Variants in CACNA1G observed in about 807,000 individuals in gnomAD.
The protein encoded by CACNA1G is voltage-dependent T-type calcium channel subunit alpha-1G.
A neutral mutation model predicts 219.4 loss-of-function variants in CACNA1G; 67 were observed. The observed-to-expected ratio is 0.31, with a 90% CI of 0.25 to 0.37. The LOEUF (loss-of-function observed/expected upper bound fraction) is 0.37, where lower values mean the gene tolerates loss of function less well. Ranked by LOEUF, CACNA1G falls within the 10% of genes least tolerant of loss-of-function variation. The pLI is 1.00. For missense variants in CACNA1G, 2,380 were observed against 3,231.4 expected (o/e 0.74, Z 6.39); for synonymous variants, 1,296 against 1,345.3 (o/e 0.96, Z 0.80).
At chr17:50,573,644 G>A (rs2039960845) in intron 7 of CACNA1G, 1 of 152,324 alleles carries the variant, frequency 6.6e-6, no homozygotes, top group Non-Finnish European at 1.5e-5. Flanking sequence ...ATCCTGAAAT[G>A]CTTGCAAATA....
chr17:50,577,880 C>T (rs962137859), intron 8 of CACNA1G, among the ~76,000 whole-genome samples: 8 of 152,018 alleles, frequency 5.3e-5, no homozygotes, highest in African/African-American at 1.7e-4. Context: ...GGAAGGGGAG[C>T]GAGGCTCCTT....
chr17:50,611,935 C>T (rs1052119437), intron 26 of CACNA1G, among the ~76,000 whole-genome samples: 1 of 152,210 alleles, frequency 6.6e-6, no homozygotes, highest in Non-Finnish European at 1.5e-5. Flanking sequence ...CCCACTGTAT[C>T]CTGGGGTGGC....
intron 21 of CACNA1G, 63 bp from the exon 22 acceptor site, chr17:50,604,092 C>T: frequency 6.5e-7 from 1 of 1,543,110 alleles, no homozygotes; most frequent in East Asian, 2.3e-5. Context: ...GGAGCAGGGT[C>T]AAGGGACAAG....
chr17:50,596,750 C>G lies in CACNA1G; in HGVS notation c.3085C>G (p.Pro1029Ala). ...CLALVSLGEH[P>A]ELRKSLLPPL... ...TGCAGTGGTGTCCCTGGGAGAGCACCCGGAGCTGCGGAAGAGCCTGCTGCC... is the reference window on the plus strand; with the variant it reads ...TGCAGTGGTGTCCCTGGGAGAGCACGCGGAGCTGCGGAAGAGCCTGCTGCC... The change falls in exon 16 of 38, where the codon CCG becomes GCG. Residue 1029 changes from proline (P) to alanine (A), a missense_variant. Physicochemically the swap from Pro to Ala is conservative, Grantham distance 27. Coordinates refer to ENST00000359106, the MANE Select transcript of CACNA1G (RefSeq NM_018896.5). The surrounding 1 kb of genome is among the most constrained non-coding windows in gnomAD (Gnocchi z 4.8). 1 of 1,613,414 alleles carries G rather than the reference C, an allele frequency of 6.2e-7. No individual in the cohort carries two copies. The highest frequency in any genetic ancestry group is 8.5e-7 in the Non-Finnish European group (1 of 1,179,816).
In CACNA1G at chr17:50,603,215, G is replaced by C; in HGVS notation, c.4169+16G>C. 6.3e-7 allele frequency: 1 copy of C among 1,596,490 alleles called. No individual in the cohort carries two copies. The highest frequency in any genetic ancestry group is 8.5e-7 in the Non-Finnish European group (1 of 1,177,826). ...GCCCGCTCAGGTGACTCCCTCCCCA[G>C]CACTGGAACACCTCCAAGAGGTGGC... On this transcript the variant is annotated intron_variant, in intron 21 of 37. Transcript: ENST00000359106. The surrounding 1 kb of genome is among the most constrained non-coding windows in gnomAD (Gnocchi z 6.4).
At chr17:50,598,273 C>T (rs1773519514) in intron 16 of CACNA1G, among the ~76,000 whole-genome samples, 1 of 152,252 alleles carries the variant, frequency 6.6e-6, no homozygotes, top group South Asian at 2.1e-4. Context: ...AAGTGATCCA[C>T]CTGCCTTGGC....
rs534069682 is a variant in CACNA1G, at chr17:50,596,724, G to T, written c.3065-6G>T. The T allele has an allele frequency of 2.5e-6, 4 of 1,612,992 alleles. No individual in the cohort carries two copies. The African/African-American group carries it at 5.4e-5, about 22-fold the overall frequency. On this transcript the variant is annotated splice_region_variant and splice_polypyrimidine_tract_variant and intron_variant, in intron 15 of 37. Coordinates refer to ENST00000359106, the MANE Select transcript of CACNA1G (RefSeq NM_018896.5). This position sits in a 1 kb window ranked among gnomAD's most constrained non-coding sequence, Gnocchi z 4.8. The stretch of plus-strand genomic sequence containing the variant: ...ACTCGGGATCTCTCCCTCTCTCCCC[G>T]TGCAGTGGTGTCCCTGGGAGAGCAC...
chr17:50,622,846 C>T (rs1437507684), intron 35 of CACNA1G, among the ~76,000 whole-genome samples: 1 of 152,152 alleles, frequency 6.6e-6, no homozygotes, highest in Non-Finnish European at 1.5e-5. Flanking sequence ...CCCTCACCTG[C>T]CAGAGTTATT....
intron 10 of CACNA1G, among the ~76,000 whole-genome samples, chr17:50,591,159 C>G (rs1568062438): frequency 6.6e-6 from 1 of 152,250 alleles, no homozygotes; most frequent in South Asian, 2.1e-4. Flanking sequence ...TATTCCATAA[C>G]TTGATGCAGT....
chr17:50,602,811 C>G lies in CACNA1G; in HGVS notation c.3916-9C>G, dbSNP rs1455800666. ...CTGGCGGGCAACCCCTGCCTCCCCT[C>G]TCTTGCAGGAACGCATCTTCCTGAC... On this transcript the variant is annotated splice_polypyrimidine_tract_variant and intron_variant, in intron 19 of 37. Coordinates refer to ENST00000359106, the MANE Select transcript of CACNA1G (RefSeq NM_018896.5). 1 of 1,613,614 alleles carries G rather than the reference C, an allele frequency of 6.2e-7. No individual in the cohort carries two copies. The highest frequency in any genetic ancestry group is 8.5e-7 in the Non-Finnish European group (1 of 1,179,754).
Position 50,618,842 on chromosome 17 carries a change from A to G in CACNA1G, c.5615A>G (p.Glu1872Gly), listed in dbSNP as rs1598751307. ...KEEAELEAELELEMKTLSPQP... is the reference protein window; with the variant it reads ...KEEAELEAELGLEMKTLSPQP... Reference sequence around the variant, plus strand: ...GAGGCCGAGCTAGAGGCTGAGCTGGAGCTGGAGATGAAGACCCTCAGCCCC... The same window carrying G: ...GAGGCCGAGCTAGAGGCTGAGCTGGGGCTGGAGATGAAGACCCTCAGCCCC... Residue 1872 changes from glutamate to glycine, a missense_variant, in exon 33 of 38, where the codon GAG (glutamate) becomes GGG (glycine). Transcript: ENST00000359106. The surrounding 1 kb of genome is among the most constrained non-coding windows in gnomAD (Gnocchi z 5.3). 6.2e-7 allele frequency: 1 copy of G among 1,613,732 alleles called. No individual in the cohort carries two copies. The highest frequency in any genetic ancestry group is 1.3e-5 in the African/African-American group (1 of 75,052).
intron 1 of CACNA1G, among the ~76,000 whole-genome samples, chr17:50,568,201 G>A (rs967895694): frequency 1.3e-5 from 2 of 152,230 alleles, no homozygotes; most frequent in African/African-American, 4.8e-5. Context: ...GTCATGACAG[G>A]CAGTTCTGCC....
chr17:50,625,077 C>T (rs926214946), intron 37 of CACNA1G, among the ~76,000 whole-genome samples: 4 of 152,014 alleles, frequency 2.6e-5, no homozygotes, highest in East Asian at 1.9e-4. Flanking sequence ...ATCAGCCTCC[C>T]GAGTAGCTGG....
Position 50,577,969 on chromosome 17 carries a change from C to T in CACNA1G, c.1925-219C>T, listed in dbSNP as rs75698299. Among the ~76,000 whole-genome samples the T allele has an allele frequency of 0.025, 3,875 of 152,260 alleles. 65 individuals carry two copies. The highest frequency in any genetic ancestry group is 0.038 in the Non-Finnish European group (2,572 of 67,998). Reference sequence around the variant, plus strand: ...CCACCTCTCTGAGCCCCAGGACACTCAGCAGTGACTGTCAATGAAGTGCTA... The same window carrying T: ...CCACCTCTCTGAGCCCCAGGACACTTAGCAGTGACTGTCAATGAAGTGCTA... On this transcript the variant is annotated intron_variant, in intron 8 of 37. Transcript: ENST00000359106.
chr17:50,567,091 C>T (rs2038098821), intron 1 of CACNA1G, among the ~76,000 whole-genome samples: 1 of 152,218 alleles, frequency 6.6e-6, no homozygotes, highest in African/African-American at 2.4e-5. Context: ...CCTTCCTGTC[C>T]CCCTTTTTCC....
At chr17:50,616,444 T>TG in intron 28 of CACNA1G, 60 bp downstream of exon 28, 1 of 1,025,066 alleles carries the variant, frequency 9.8e-7, no homozygotes, top group Non-Finnish European at 1.5e-6. Context: ...ATGAGTCTCT[T>TG]GGGGAAATAC....
intron 26 of CACNA1G, among the ~76,000 whole-genome samples, chr17:50,612,942 C>A (rs2049551269): frequency 6.6e-6 from 1 of 152,228 alleles, no homozygotes; most frequent in Non-Finnish European, 1.5e-5. Context: ...GCCCAAGGCT[C>A]CTCCCAGGGG....
chr17:50,598,717 C>T (rs1334687762), intron 16 of CACNA1G, among the ~76,000 whole-genome samples: 1 of 152,130 alleles, frequency 6.6e-6, no homozygotes, highest in East Asian at 1.9e-4. Flanking sequence ...TTGAGCATTT[C>T]TTCATGTACC....
At chr17:50,591,246 G>A (rs1425034666) in intron 10 of CACNA1G, among the ~76,000 whole-genome samples, 189 bp from the exon 11 acceptor site, 3 of 152,206 alleles carry the variant, frequency 2.0e-5, no homozygotes, top group Admixed American at 6.5e-5. Context: ...GGCGGAGGGG[G>A]CCGGGGCTGT....
Sources: allele counts gnomAD v4.1 joint callset (sites outside exome capture counted in the v4.1 genomes callset), GRCh38; gene constraint gnomAD v4.1.1; non-coding constraint Gnocchi (gnomAD v3.1); transcripts MANE v1.5; gene names NCBI Gene and HGNC (gene_info 2026-07-23, HGNC 2026-07-21).